Variants in RNF17 observed in about 807,000 individuals in gnomAD.
RNF17 encodes the protein ring finger protein 17.
Under a neutral mutation model 200.5 loss-of-function variants are expected in RNF17, and 31 were observed. That is an observed-to-expected ratio of 0.15 (90% CI 0.12 to 0.21). The LOEUF (loss-of-function observed/expected upper bound fraction) is 0.21, where lower values mean the gene tolerates loss of function less well. RNF17 is among the 10% of genes least tolerant of loss of function. The pLI is 1.00. For synonymous variants in RNF17, 606 were observed against 637.8 expected, an observed-to-expected ratio of 0.95 and a Z score of 0.75; for missense variants, 1,628 against 1,905.1, an observed-to-expected ratio of 0.85 and a Z score of 2.71.
At chr13:24,749,125 A>G in the RNF17 span, among the ~76,000 whole-genome samples, 1 of 152,058 alleles carries the variant, frequency 6.6e-6, no homozygotes, top group African/African-American at 2.4e-5. Flanking sequence ...ATTTCCCTTA[A>G]GTTCATCTAT....
intron 33 of RNF17, 33 bp downstream of exon 33, chr13:24,874,282 TTTC>T (rs765397830): frequency 1.1e-5 from 16 of 1,519,578 alleles, no homozygotes; most frequent in Non-Finnish European, 1.4e-5. Context: ...TTGAATTAGA[TTTC>T]TTTTTTTTTA....
chr13:24,865,782 T>TG (rs1209534967), intron 29 of RNF17, among the ~76,000 whole-genome samples: 1 of 151,860 alleles, frequency 6.6e-6, no homozygotes, highest in Admixed American at 6.6e-5. Flanking sequence ...TGTGGGTGAG[T>TG]GGGGGTGTGT....
At chr13:24,837,948 C>T (rs555506760) in intron 18 of RNF17, among the ~76,000 whole-genome samples, 5 of 151,994 alleles carry the variant, frequency 3.3e-5, no homozygotes, top group Admixed American at 6.6e-5. Context: ...CGATTTAGCA[C>T]GATTAACCAA....
At chr13:24,764,148 C>A (rs1303926498), upstream of RNF17, 8 of 1,510,040 alleles carry the variant, frequency 5.3e-6, no homozygotes, top group Admixed American at 1.1e-4. Flanking sequence ...TTGGTCGCTG[C>A]CGCGAGGGCC....
At chr13:24,785,925 A>T (rs1448958468) in intron 6 of RNF17, among the ~76,000 whole-genome samples, 1 of 152,138 alleles carries the variant, frequency 6.6e-6, no homozygotes, top group East Asian at 1.9e-4. Flanking sequence ...ACCTAAAGTG[A>T]AATTTTTGTG....
downstream of RNF17, chr13:24,884,490 C>G: frequency 6.2e-7 from 1 of 1,612,940 alleles, no homozygotes; most frequent in African/African-American, 1.3e-5. Flanking sequence ...AGATTATCAC[C>G]TAAGATTTTC....
chr13:24,870,136 C>T (rs1894096609), intron 31 of RNF17, among the ~76,000 whole-genome samples: 1 of 151,726 alleles, frequency 6.6e-6, no homozygotes. Context: ...TTACTAGAGA[C>T]GAGGTTTCAC....
chr13:24,767,836 C>CAT (rs1206563631), intron 2 of RNF17, among the ~76,000 whole-genome samples: 2 of 151,892 alleles, frequency 1.3e-5, no homozygotes, highest in Non-Finnish European at 2.9e-5. Context: ...TTTTTCTATC[C>CAT]ATTTTATAAT....
chr13:24,780,224 C>T (rs1882161075), intron 5 of RNF17, among the ~76,000 whole-genome samples: 2 of 152,000 alleles, frequency 1.3e-5, no homozygotes, highest in Non-Finnish European at 2.9e-5. Flanking sequence ...AAGGACATGA[C>T]ATTTTTGATT....
chr13:24,803,165 G>A (rs1369128096), intron 14 of RNF17, among the ~76,000 whole-genome samples: 1 of 152,064 alleles, frequency 6.6e-6, no homozygotes. Context: ...GCTGTATGAG[G>A]ATTTCAATAA....
intron 15 of RNF17, among the ~76,000 whole-genome samples, chr13:24,820,442 GTTTTTA>G (rs1887916380): frequency 2.7e-5 from 4 of 150,476 alleles, no homozygotes; most frequent in African/African-American, 4.9e-5. Context: ...GTTTTGTTTT[GTTTTTA>G]TTTTTGAGAT....
At chr13:24,783,795 A>G (rs985699176) in intron 6 of RNF17, among the ~76,000 whole-genome samples, 6 of 152,154 alleles carry the variant, frequency 3.9e-5, no homozygotes, top group African/African-American at 1.2e-4. Flanking sequence ...ATGTATGATC[A>G]TGTCATCTGC....
rs1408083874 is a variant in RNF17 at position 24,823,028 on chromosome 13, G to A, written c.2092-2591G>A. Among the ~76,000 whole-genome samples, 5 of 152,088 alleles carry A rather than the reference G, an allele frequency of 3.3e-5. No homozygotes were observed. The East Asian group carries it at 9.6e-4, about 29-fold the overall frequency. Reference sequence around the variant, plus strand: ...AATTTCTTGTAAGGCAGGTATAGTGGTGATGAACTCCCATAGCTCTTGTTT... The same window carrying A: ...AATTTCTTGTAAGGCAGGTATAGTGATGATGAACTCCCATAGCTCTTGTTT... On this transcript the variant is annotated intron_variant, in intron 15 of 35. Transcript: ENST00000255324.
Position 24,876,730 on chromosome 13 carries a change from G to A in RNF17, c.4584-267G>A, listed in dbSNP as rs1894896453. ...GTCATTTGTAGATCTTTAGAGTAAT[G>A]TCCGTGTTTATGTGTATTTTCTCCC... On this transcript the variant is annotated intron_variant, in intron 33 of 35. Transcript: ENST00000255324. 2.0e-5 allele frequency among the ~76,000 whole-genome samples: 3 copies of A among 152,088 alleles called. No homozygotes were observed. In the South Asian group the frequency reaches 6.2e-4, roughly 32 times the overall value.
At chr13:24,871,382 A>G (rs540029563) in intron 32 of RNF17, among the ~76,000 whole-genome samples, 38 of 152,252 alleles carry the variant, frequency 2.5e-4, no homozygotes, top group African/African-American at 8.9e-4. Context: ...TTGTCGCCCA[A>G]GCTGGAGTGC....
upstream of RNF17, among the ~76,000 whole-genome samples, chr13:24,762,551 T>C (rs946525579): frequency 1.3e-5 from 2 of 152,100 alleles, no homozygotes; most frequent in African/African-American, 4.8e-5. Flanking sequence ...AACTATTGGA[T>C]GAGTAGTAGA....
At chr13:24,826,887 G>T (rs774204157) in intron 16 of RNF17, among the ~76,000 whole-genome samples, 18 of 150,822 alleles carry the variant, frequency 1.2e-4, no homozygotes, top group Non-Finnish European at 2.7e-4. Flanking sequence ...ATGGAGAAAC[G>T]CTGTCTCTAC....
intron 35 of RNF17, 145 bp downstream of exon 35, chr13:24,879,440 CACCTATTCAGCACT>C (rs1355045381): frequency 3.2e-6 from 2 of 617,146 alleles, no homozygotes; most frequent in Non-Finnish European, 5.7e-6. Context: ...AGGCCCTTCT[CACCTATTCAGCACT>C]AGTATCAAAG....
At chr13:24,842,799 A>G (rs1431024951) in intron 19 of RNF17, among the ~76,000 whole-genome samples, 1 of 152,058 alleles carries the variant, frequency 6.6e-6, no homozygotes, top group Non-Finnish European at 1.5e-5. Flanking sequence ...AGCCTGTCCA[A>G]TATGTTGTAA....
Sources: allele counts gnomAD v4.1 joint callset (sites outside exome capture counted in the v4.1 genomes callset), GRCh38; gene constraint gnomAD v4.1.1; transcripts MANE v1.5; gene names NCBI Gene and HGNC (gene_info 2026-07-23, HGNC 2026-07-21).